The following HYDIN variants were observed in gnomAD, a reference collection of about 807,000 sequenced individuals.
The protein encoded by HYDIN is HYDIN axonemal central pair apparatus protein.
Under a neutral mutation model 403.9 loss-of-function variants are expected in HYDIN, and 132 were observed. The observed-to-expected ratio is 0.33, with a 90% CI of 0.28 to 0.38. The LOEUF is 0.38. HYDIN is among the 10% of genes least tolerant of loss of function. The probability of loss-of-function intolerance (pLI) is 1.00; values close to 1 mark genes in which losing one functional copy is unlikely to be tolerated. For missense variants in HYDIN, 2,827 were observed against 5,009.5 expected (o/e 0.56, Z 13.15); for synonymous variants, 1,202 against 1,891.7 (o/e 0.64, Z 9.46).
At chr16:70,945,088 C>G (rs756199674) in intron 41 of HYDIN, among the ~76,000 whole-genome samples, 4 of 152,224 alleles carry the variant, frequency 2.6e-5, no homozygotes, top group Non-Finnish European at 4.4e-5. Flanking sequence ...CTACTCGTCA[C>G]ATGAGGTGAC....
Position 70,996,140 on chromosome 16 carries a change from G to A in HYDIN, c.3645-3930C>T, listed in dbSNP as rs1679393817. Among the ~76,000 whole-genome samples the A allele has an allele frequency of 3.9e-5, 6 of 151,990 alleles. No homozygotes were observed. The South Asian group carries it at 1.3e-3, about 32-fold the overall frequency. On this transcript the variant is annotated intron_variant, in intron 23 of 85. Transcript: ENST00000393567. ...ATTTACACTCCAAAGCTCCCCACGG[G>A]ATCAGGCAGAGGTGAGACTTCTGAA...
chr16:70,841,924 A>G (rs1416408953), intron 75 of HYDIN, among the ~76,000 whole-genome samples: 1 of 150,126 alleles, frequency 6.7e-6, no homozygotes, highest in Non-Finnish European at 1.5e-5. Flanking sequence ...GAAGCACAAA[A>G]CAGATGAAGA....
chr16:71,200,535 A>G (rs2087946969), intron 1 of HYDIN, among the ~76,000 whole-genome samples: 2 of 152,194 alleles, frequency 1.3e-5, no homozygotes, highest in Non-Finnish European at 2.9e-5. Context: ...CATTTTAGGT[A>G]TCAGGCTGAG....
At chr16:71,061,595 T>A (rs1413665207) in intron 17 of HYDIN, among the ~76,000 whole-genome samples, 1 of 152,034 alleles carries the variant, frequency 6.6e-6, no homozygotes, top group Non-Finnish European at 1.5e-5. Flanking sequence ...ACAGCTTGAG[T>A]AGGCTGATGG....
intron 18 of HYDIN, among the ~76,000 whole-genome samples, chr16:71,046,344 A>G (rs2081447046): frequency 6.6e-6 from 1 of 152,072 alleles, no homozygotes; most frequent in African/African-American, 2.4e-5. Flanking sequence ...ACAGTATACT[A>G]TCTCAGTACT....
intron 10 of HYDIN, among the ~76,000 whole-genome samples, chr16:71,101,766 C>T (rs1229754217): frequency 1.3e-5 from 2 of 152,030 alleles, no homozygotes; most frequent in African/African-American, 4.8e-5. Context: ...CTGGCACAAC[C>T]CCTTTGGAGA....
At chr16:71,098,295 A>G (rs11075857) in intron 10 of HYDIN, among the ~76,000 whole-genome samples, 20 of 145,238 alleles carry the variant, frequency 1.4e-4, no homozygotes, top group Admixed American at 2.2e-4. Flanking sequence ...TCCGCCTCCC[A>G]GGTTCACGCC....
At chr16:71,065,432 A>C (rs2082232259) in intron 15 of HYDIN, among the ~76,000 whole-genome samples, 1 of 152,024 alleles carries the variant, frequency 6.6e-6, no homozygotes, top group Admixed American at 6.5e-5. Flanking sequence ...TTGTATGCAG[A>C]AAAGAGGGGA....
At chr16:71,072,460 G>T (rs573471514) in intron 13 of HYDIN, among the ~76,000 whole-genome samples, 1 of 152,336 alleles carries the variant, frequency 6.6e-6, no homozygotes, top group South Asian at 2.1e-4. Flanking sequence ...AGAAACTGTA[G>T]ACTATAAGTT....
intron 5 of HYDIN, among the ~76,000 whole-genome samples, chr16:71,173,737 T>C (rs896364669): frequency 2.0e-5 from 3 of 152,182 alleles, no homozygotes; most frequent in Non-Finnish European, 2.9e-5. Flanking sequence ...CAAATATAAA[T>C]GTTTTGACAA....
chr16:70,868,428 T>C (rs2039894521), intron 66 of HYDIN, 142 bp downstream of exon 66: 10 of 1,334,944 alleles, frequency 7.5e-6, no homozygotes, highest in Non-Finnish European at 9.9e-6. Flanking sequence ...AGAAGTTTAG[T>C]TTGTCACTTT....
At chr16:71,074,696 A>C (rs2082571759) in intron 13 of HYDIN, among the ~76,000 whole-genome samples, 1 of 132,470 alleles carries the variant, frequency 7.5e-6, no homozygotes, top group East Asian at 2.2e-4. Context: ...ACAAAACAAA[A>C]CAAAAAACAC....
chr16:70,833,951 C>T lies in HYDIN; in HGVS notation c.13615G>A (p.Val4539Met), dbSNP rs766715753. The change falls in exon 79 of 86, where the codon GTG becomes ATG. Residue 4539 changes from valine to methionine, a missense_variant. Val to Met is a conservative substitution (Grantham distance 21). Transcript: ENST00000393567. ...LDQEHIPFGP[V>M]VYQTQATRRI... Reference sequence around the variant, plus strand: ...CGTGTGGCTTGCGTCTGATACACCACGGGTCCAAAGGGAATATGTTCCTGG... The same window carrying T: ...CGTGTGGCTTGCGTCTGATACACCATGGGTCCAAAGGGAATATGTTCCTGG... 23 of 1,613,256 alleles carry T rather than the reference C, an allele frequency of 1.4e-5. 1 individual carries two copies. The highest frequency in any genetic ancestry group is 1.7e-4 in the Middle Eastern group (1 of 5,988).
At chr16:71,078,853 C>T (rs1440959263) in intron 13 of HYDIN, among the ~76,000 whole-genome samples, 2 of 152,198 alleles carry the variant, frequency 1.3e-5, no homozygotes, top group Non-Finnish European at 2.9e-5. Flanking sequence ...GGCAAAATTG[C>T]TGGTTATCTC....
Position 71,167,084 on chromosome 16 carries a change from TAAAATAAAAACA to T in HYDIN, c.517-4366_517-4355del, listed in dbSNP as rs1246126918. On this transcript the variant is annotated intron_variant, in intron 5 of 85. Transcript: ENST00000393567. ...TGTCTCAAAAAAATTAATAAATAAATAAAATAAAAACAAAAATAAAAATAAAATTTTAAAAAT... is the reference window on the plus strand; with the variant it reads ...TGTCTCAAAAAAATTAATAAATAAATAAAATAAAAATAAAATTTTAAAAAT... Among the ~76,000 whole-genome samples the T allele has an allele frequency of 6.0e-5, 9 of 148,788 alleles. No individual in the cohort carries two copies. The South Asian group carries it at 1.3e-3, about 21-fold the overall frequency.
intron 10 of HYDIN, among the ~76,000 whole-genome samples, chr16:71,094,723 C>T (rs1427334467): frequency 2.0e-5 from 3 of 152,284 alleles, no homozygotes. Flanking sequence ...AGTCAAATTT[C>T]TATGTCCAAG....
rs532791299 is a variant in HYDIN, at chr16:71,204,240, C to T, written c.-23-17322G>A. 1.4e-4 allele frequency among the ~76,000 whole-genome samples: 22 copies of T among 152,202 alleles called. No homozygotes were observed. The South Asian group carries it at 3.7e-3, about 26-fold the overall frequency. On this transcript the variant is annotated intron_variant, in intron 1 of 85. Transcript: ENST00000393567. Reference sequence around the variant, plus strand: ...ATCTTGTTTGTTAACCAAATTCTGACAAAAAAGTAACACCTGGGAATCAGA... The same window carrying T: ...ATCTTGTTTGTTAACCAAATTCTGATAAAAAAGTAACACCTGGGAATCAGA...
At chr16:71,168,964 A>C (rs1326514194) in intron 5 of HYDIN, among the ~76,000 whole-genome samples, 2 of 152,220 alleles carry the variant, frequency 1.3e-5, no homozygotes, top group African/African-American at 2.4e-5. Context: ...TCAAAAAATT[A>C]AAAATAGAAC....
intron 39 of HYDIN, among the ~76,000 whole-genome samples, chr16:70,957,487 C>T (rs1170825474): frequency 2.6e-5 from 4 of 151,972 alleles, no homozygotes; most frequent in Non-Finnish European, 5.9e-5. Context: ...CTACCACGCC[C>T]GGCTAATTTT....
Sources: allele counts gnomAD v4.1 joint callset (sites outside exome capture counted in the v4.1 genomes callset), GRCh38; gene constraint gnomAD v4.1.1; transcripts MANE v1.5; gene names NCBI Gene and HGNC (gene_info 2026-07-23, HGNC 2026-07-21).